The following ERC1 variants were observed in gnomAD, a reference collection of about 807,000 sequenced individuals.
ERC1 encodes the protein RAB6 interacting protein 2.
Under a neutral mutation model 132.0 loss-of-function variants are expected in ERC1, and 56 were observed. The observed-to-expected ratio is 0.42, with a 90% confidence interval of 0.34 to 0.53. The LOEUF (loss-of-function observed/expected upper bound fraction) is 0.53. ERC1 is among the 20% of genes least tolerant of loss of function. ERC1 has a pLI of 0.03. For synonymous variants in ERC1, 478 were observed against 476.1 expected (o/e 1.00, Z -0.05); for missense variants, 1,202 against 1,349.9 (o/e 0.89, Z 1.72).
intron 2 of ERC1, among the ~76,000 whole-genome samples, chr12:1,070,599 T>A (rs1940165065): frequency 6.6e-6 from 1 of 152,196 alleles, no homozygotes; most frequent in African/African-American, 2.4e-5. Flanking sequence ...TCTTCCTTCT[T>A]CTAATCCAAG....
intron 15 of ERC1, among the ~76,000 whole-genome samples, chr12:1,337,706 C>T (rs1323268190): frequency 2.0e-5 from 3 of 152,142 alleles, no homozygotes. Flanking sequence ...TTTAGTGCTT[C>T]CTTAAGGAGC....
intron 1 of ERC1, among the ~76,000 whole-genome samples, chr12:1,024,842 G>GAAAAAAAAAA (rs201143939): frequency 6.9e-5 from 5 of 72,486 alleles, no homozygotes; most frequent in Non-Finnish European, 1.6e-4. Flanking sequence ...AAAAAAAGTG[G>GAAAAAAAAAA]AAAAAAAAAA....
At position 1,431,658 on chromosome 12, in the gene ERC1, A is replaced by G. The variant is rs146990414; in HGVS notation, c.3025-12904A>G. ...CATTTTATGCCTATTGCCAAATCCA[A>G]TTTTCCATTTAGCCAATGTTTTATT... On this transcript the variant is annotated intron_variant, in intron 17 of 18. Transcript: ENST00000360905. 6.4e-3 allele frequency among the ~76,000 whole-genome samples: 976 copies of G among 152,218 alleles called. 9 individuals carry two copies. Among genetic ancestry groups the G allele is most frequent in the African/African-American group, 0.023 (948 of 41,532 alleles).
In ERC1 at chr12:1,162,738, T is replaced by A. The variant is rs755134081; in HGVS notation, c.1738-17802T>A. ...TTTTATTTTTAAAATTGTGCCTTTTTATTTTTAATAAGGATCAATTCCTGT... is the reference window on the plus strand; with the variant it reads ...TTTTATTTTTAAAATTGTGCCTTTTAATTTTTAATAAGGATCAATTCCTGT... On this transcript the variant is annotated intron_variant, in intron 8 of 18. Coordinates refer to ENST00000360905, the MANE Select transcript of ERC1 (RefSeq NM_178040.4). 3.9e-5 allele frequency among the ~76,000 whole-genome samples: 6 copies of A among 152,288 alleles called. No individual in the cohort carries two copies. In the East Asian group the frequency reaches 1.2e-3, roughly 29 times the overall value.
At chr12:1,176,566 GT>G (rs944940002) in intron 8 of ERC1, among the ~76,000 whole-genome samples, 33 of 148,300 alleles carry the variant, frequency 2.2e-4, no homozygotes, top group African/African-American at 4.9e-4. Context: ...TGTTTTCTTT[GT>G]TTTTTTTTTC....
rs76850158 is a variant in ERC1, at chr12:1,202,036, A to C, written c.2351+11984A>C. On this transcript the variant is annotated intron_variant, in intron 12 of 18. Coordinates refer to ENST00000360905, the MANE Select transcript of ERC1 (RefSeq NM_178040.4). ...TGAAAAGGAAAAGAAAGATACCAGC[A>C]TATTACAACTGAAGATGACTGGTTC... 2.7e-3 allele frequency among the ~76,000 whole-genome samples: 417 copies of C among 152,312 alleles called. 5 individuals carry two copies. Among genetic ancestry groups the C allele is most frequent in the African/African-American group, 8.6e-3 (358 of 41,568 alleles).
At chr12:1,099,834 G>A (rs915176632) in intron 3 of ERC1, among the ~76,000 whole-genome samples, 4 of 101,918 alleles carry the variant, frequency 3.9e-5, no homozygotes, top group Non-Finnish European at 7.6e-5. Context: ...TTGAGACTTT[G>A]ATTTTTTTTT....
At chr12:1,211,646 GC>G (rs1957885048) in intron 12 of ERC1, among the ~76,000 whole-genome samples, 1 of 152,018 alleles carries the variant, frequency 6.6e-6, no homozygotes, top group Non-Finnish European at 1.5e-5. Context: ...TGCAACCTCT[GC>G]CTCCAGGGTT....
intron 12 of ERC1, among the ~76,000 whole-genome samples, chr12:1,190,439 G>A (rs1955603247): frequency 6.6e-6 from 1 of 152,158 alleles, no homozygotes; most frequent in African/African-American, 2.4e-5. Context: ...TTAGACCTTT[G>A]TTGTTGAGCT....
chr12:1,118,897 A>C (rs928143002), intron 7 of ERC1, among the ~76,000 whole-genome samples: 1 of 152,198 alleles, frequency 6.6e-6, no homozygotes. Context: ...TAGAGATAGA[A>C]TCTTACTCTG....
intron 13 of ERC1, among the ~76,000 whole-genome samples, chr12:1,261,808 G>T (rs1026121135): frequency 1.3e-5 from 2 of 152,098 alleles, no homozygotes; most frequent in Non-Finnish European, 2.9e-5. Flanking sequence ...CTTGTAACAT[G>T]AACATCACGT....
chr12:1,385,344 G>A (rs2089198364), intron 16 of ERC1, among the ~76,000 whole-genome samples: 1 of 151,876 alleles, frequency 6.6e-6, no homozygotes, highest in Non-Finnish European at 1.5e-5. Flanking sequence ...GTGCAGTGGT[G>A]TGATCACGGC....
In ERC1 at chr12:1,042,338, G is replaced by GTTTTTT. The variant is rs776086251; in HGVS notation, c.669+13779_669+13784dup. Among the ~76,000 whole-genome samples the GTTTTTT allele has an allele frequency of 1.1e-4, 13 of 121,002 alleles. 2 individuals carry two copies. Among genetic ancestry groups the GTTTTTT allele is most frequent in the Non-Finnish European group, 1.6e-4 (10 of 61,014 alleles). 79.4% of individuals were successfully genotyped at this position (121,002 alleles called of 152,430 possible). On this transcript the variant is annotated intron_variant, in intron 2 of 18. Transcript: ENST00000360905. ...AGATGTGAGCCATTGCGCCCGGCCT[G>GTTTTTT]TTTTTTTTTTTTTTTTTTCTTTTTT...
intron 16 of ERC1, among the ~76,000 whole-genome samples, chr12:1,389,749 T>G (rs1388728253): frequency 6.6e-6 from 1 of 152,172 alleles, no homozygotes; most frequent in African/African-American, 2.4e-5. Context: ...CTCCAAAGAG[T>G]TAACATAAAT....
At chr12:1,060,831 T>C (rs1937691404) in intron 2 of ERC1, among the ~76,000 whole-genome samples, 1 of 151,928 alleles carries the variant, frequency 6.6e-6, no homozygotes, top group African/African-American at 2.4e-5. Flanking sequence ...GTTCACGCCA[T>C]TCTCCTGCCT....
chr12:1,299,421 G>C (rs2080222728), intron 15 of ERC1, among the ~76,000 whole-genome samples: 1 of 152,204 alleles, frequency 6.6e-6, no homozygotes, highest in African/African-American at 2.4e-5. Context: ...ATGGCTTAGA[G>C]AAGAAGGAAT....
At chr12:1,412,057 C>G (rs547731426) in intron 17 of ERC1, among the ~76,000 whole-genome samples, 1 of 152,166 alleles carries the variant, frequency 6.6e-6, no homozygotes, top group Non-Finnish European at 1.5e-5. Context: ...TTGCAATTAG[C>G]CAGCCATAAC....
At chr12:1,011,393 A>C (rs1964661540) in intron 1 of ERC1, among the ~76,000 whole-genome samples, 1 of 152,048 alleles carries the variant, frequency 6.6e-6, no homozygotes, top group African/African-American at 2.4e-5. Context: ...TTTTGTAGAG[A>C]CAGGGTCTCT....
chr12:1,415,721 A>G (rs1272676902), intron 17 of ERC1, among the ~76,000 whole-genome samples: 1 of 152,226 alleles, frequency 6.6e-6, no homozygotes, highest in African/African-American at 2.4e-5. Context: ...ATTTGGGCCA[A>G]TATCAGGACT....
Sources: allele counts gnomAD v4.1 joint callset (sites outside exome capture counted in the v4.1 genomes callset), GRCh38; gene constraint gnomAD v4.1.1; transcripts MANE v1.5; gene names NCBI Gene and HGNC (gene_info 2026-07-23, HGNC 2026-07-21).